Variants in IL9 observed in about 807,000 individuals in gnomAD.
IL9 encodes the protein interleukin-9.
IL9 carries 16 observed loss-of-function variants against 12.9 expected under a neutral mutation model. That is an observed-to-expected ratio of 1.24 (90% CI 0.84 to 1.88). IL9 has a LOEUF of 1.88. Ranked by LOEUF, IL9 falls within the 40% of genes most tolerant of loss-of-function variation. The probability of loss-of-function intolerance (pLI) is 0.00; values close to 1 mark genes in which losing one functional copy is unlikely to be tolerated. For missense variants in IL9, 170 were observed against 173.1 expected (o/e 0.98, Z 0.10); for synonymous variants, 69 against 63.8 (o/e 1.08, Z -0.39).
chr5:135,894,062 C>T lies in IL9; in HGVS notation c.273G>A (p.Arg91=), dbSNP rs1340267479. 3 of 1,612,510 alleles carry T rather than the reference C, an allele frequency of 1.9e-6. No homozygotes were observed. The highest frequency in any genetic ancestry group is 2.2e-5 in the East Asian group (1 of 44,840). ...MQTRYPLIFS[R]VKKSVEVLKN... ...TTAGTACTTCAACTGATTTTTTCAC[C>T]CGACTGAAAATCAGTGGGTATCTTG... Residue 91 remains arginine (R), a synonymous_variant, in exon 4 of 5, where the codon CGG becomes CGA. Transcript: ENST00000274520.
In IL9 at chr5:135,893,991, GA is replaced by G. The variant is rs763297843; in HGVS notation, c.315+28del. On this transcript the variant is annotated intron_variant, in intron 4 of 4. Coordinates refer to ENST00000274520, the MANE Select transcript of IL9 (RefSeq NM_000590.2). ...CCATTCACATAGAAATCACCAACAG[GA>G]ACATATCACATATGAAAACAAACTT... 4 of 1,595,264 alleles carry G rather than the reference GA, an allele frequency of 2.5e-6. No homozygotes were observed. In the Admixed American group the frequency reaches 7.1e-5, roughly 28 times the overall value.
In IL9 at chr5:135,894,093, A is replaced by G. The variant is rs761861851; in HGVS notation, c.242T>C (p.Met81Thr). 1 of 1,613,638 alleles carries G rather than the reference A, an allele frequency of 6.2e-7. No individual in the cohort carries two copies. Among genetic ancestry groups the G allele is most frequent in the Non-Finnish European group, 8.5e-7 (1 of 1,179,710 alleles). Residue 81 changes from methionine to threonine, a missense_variant, in exon 4 of 5, where the codon ATG becomes ACG. Met to Thr is a moderately conservative substitution (Grantham distance 81). Transcript: ENST00000274520. ...ERLSQMTNTT[M>T]QTRYPLIFSR... ...GAAAATCAGTGGGTATCTTGTTTGC[A>G]TGGTGGTATTGGTCATCTGAGACAG...
intron 4 of IL9, among the ~76,000 whole-genome samples, chr5:135,893,036 A>G (rs188529905): frequency 1.3e-5 from 2 of 152,310 alleles, no homozygotes; most frequent in East Asian, 1.9e-4. Context: ...TAAGGTATGT[A>G]TTTATTCAGT....
At chr5:135,894,764 C>T (rs1256601858) in intron 3 of IL9, among the ~76,000 whole-genome samples, 1 of 152,230 alleles carries the variant, frequency 6.6e-6, no homozygotes, top group Non-Finnish European at 1.5e-5. Context: ...GCCTCCTCCT[C>T]ACCCTAACCA....
intron 3 of IL9, 103 bp downstream of exon 3, chr5:135,895,337 G>T: frequency 1.1e-6 from 1 of 908,398 alleles, no homozygotes; most frequent in Non-Finnish European, 1.7e-6. Context: ...ATTAAATTAA[G>T]CAACAATGTA....
chr5:135,892,778 A>ACACACACC (rs71221390), intron 4 of IL9, among the ~76,000 whole-genome samples: 1 of 134,580 alleles, frequency 7.4e-6, no homozygotes, highest in Non-Finnish European at 1.5e-5. Flanking sequence ...ACACACACAC[A>ACACACACC]CCCCTATTAA....
Position 135,892,503 on chromosome 5 carries a change from G to GA in IL9, c.322dup (p.Ser108PhefsTer3). ...GGTTTGGTTGCATGGCTGTTCACAG[G>GA]AAAAATACTGTGGGGATGAAAGTTG... On this transcript the variant is annotated frameshift_variant, in exon 5 of 5. Transcript: ENST00000274520. LOFTEE classifies it low-confidence loss of function (END_TRUNC). 1 of 1,611,656 alleles carries GA rather than the reference G, an allele frequency of 6.2e-7. No individual in the cohort carries two copies. The highest frequency in any genetic ancestry group is 8.5e-7 in the Non-Finnish European group (1 of 1,179,266).
At chr5:135,895,366 A>G (rs1762926374) in intron 3 of IL9, 74 bp downstream of exon 3, 6 of 1,239,936 alleles carry the variant, frequency 4.8e-6, no homozygotes, top group South Asian at 1.4e-5. Context: ...AATATTAAAT[A>G]AAGCAACTTA....
At position 135,895,489 on chromosome 5, in the gene IL9, A is replaced by G; in HGVS notation, c.151-17T>C. On this transcript the variant is annotated splice_polypyrimidine_tract_variant and intron_variant, in intron 2 of 4. Coordinates refer to ENST00000274520, the MANE Select transcript of IL9 (RefSeq NM_000590.2). ...ACTGGTCACCTGCAAGGGAAATTTC[A>G]GAGTGAAGATTCCAGATGTGAAAAT... 6.2e-7 allele frequency: 1 copy of G among 1,613,982 alleles called. No individual in the cohort carries two copies. Among genetic ancestry groups the G allele is most frequent in the Non-Finnish European group, 8.5e-7 (1 of 1,179,858 alleles).
At chr5:135,893,483 G>A (rs910719112) in intron 4 of IL9, among the ~76,000 whole-genome samples, 4 of 152,018 alleles carry the variant, frequency 2.6e-5, no homozygotes, top group African/African-American at 4.8e-5. Flanking sequence ...ATGGTGGCAC[G>A]CACCTGTAAT....
chr5:135,894,259 C>T, intron 3 of IL9, 108 bp from the exon 4 acceptor site: 1 of 1,094,740 alleles, frequency 9.1e-7, no homozygotes, highest in Admixed American at 2.7e-5. Context: ...CACCATTACT[C>T]AAACTTGCAT....
chr5:135,895,542 A>G lies in IL9; in HGVS notation c.150+13T>C. The G allele has an allele frequency of 1.2e-6, 2 of 1,613,950 alleles. No individual in the cohort carries two copies. The highest frequency in any genetic ancestry group is 1.7e-6 in the Non-Finnish European group (2 of 1,179,802). ...AAATTAATTTGGAAAGTTCTTAAAG[A>G]GCATTCACTCACATTAGCACTGCAG... On this transcript the variant is annotated intron_variant, in intron 2 of 4. Coordinates refer to ENST00000274520, the MANE Select transcript of IL9 (RefSeq NM_000590.2).
chr5:135,894,223 T>C, intron 3 of IL9, 72 bp from the exon 4 acceptor site: 2 of 1,389,248 alleles, frequency 1.4e-6, no homozygotes, highest in South Asian at 1.3e-5. Context: ...CAAAGAGCAA[T>C]ATAATAGAGA....
In IL9 at chr5:135,894,085, T is replaced by C; in HGVS notation, c.250A>G (p.Arg84Gly). The change falls in exon 4 of 5, where the codon AGA becomes GGA. Residue 84 changes from arginine to glycine, a missense_variant. By Grantham distance (125) the Arg-to-Gly change is moderately radical. Coordinates refer to ENST00000274520, the MANE Select transcript of IL9 (RefSeq NM_000590.2). ...ACCCGACTGAAAATCAGTGGGTATC[T>C]TGTTTGCATGGTGGTATTGGTCATC... ...SQMTNTTMQT[R>G]YPLIFSRVKK... The C allele has an allele frequency of 6.2e-7, 1 of 1,613,690 alleles. No individual in the cohort carries two copies. Among genetic ancestry groups the C allele is most frequent in the South Asian group, 1.1e-5 (1 of 90,988 alleles).
At chr5:135,895,415 C>T in intron 3 of IL9, 25 bp downstream of exon 3, 1 of 1,596,148 alleles carries the variant, frequency 6.3e-7, no homozygotes, top group Non-Finnish European at 8.5e-7. Context: ...CCAAGGTCAA[C>T]ATTATGTTAT....
chr5:135,894,488 A>G (rs1255250366), intron 3 of IL9, among the ~76,000 whole-genome samples: 1 of 152,134 alleles, frequency 6.6e-6, no homozygotes. Context: ...GAGTGAGGAA[A>G]AGCCTTTTCA....
chr5:135,894,680 G>A (rs1013817288), intron 3 of IL9, among the ~76,000 whole-genome samples: 9 of 152,194 alleles, frequency 5.9e-5, no homozygotes, highest in Non-Finnish European at 7.3e-5. Flanking sequence ...CCTAGCCAGG[G>A]CAAGAAGCTC....
intron 4 of IL9, among the ~76,000 whole-genome samples, 158 bp downstream of exon 4, chr5:135,893,862 T>C (rs1199862716): frequency 6.6e-6 from 1 of 152,208 alleles, no homozygotes; most frequent in Non-Finnish European, 1.5e-5. Context: ...GGATCTCACT[T>C]TAATTATATT....
At chr5:135,894,365 C>T (rs1040524528) in intron 3 of IL9, among the ~76,000 whole-genome samples, 4 of 152,158 alleles carry the variant, frequency 2.6e-5, no homozygotes, top group African/African-American at 9.7e-5. Flanking sequence ...GAGGAGACTT[C>T]CTGTATGTTA....
Sources: gnomAD v4.1 joint callset for allele counts (sites outside exome capture counted in the v4.1 genomes callset) on GRCh38, gnomAD v4.1.1 for gene constraint, MANE v1.5 for transcripts, NCBI Gene and HGNC (gene_info 2026-07-23, HGNC 2026-07-21) for gene names.